KCNH7: variants seen among roughly 807,000 people sequenced by gnomAD.
KCNH7 encodes the protein potassium voltage-gated channel subfamily H member 7.
KCNH7 carries 49 observed loss-of-function variants against 120.8 expected under a neutral mutation model. The observed-to-expected ratio is 0.41, with a 90% CI of 0.32 to 0.51. The LOEUF (loss-of-function observed/expected upper bound fraction) is 0.51. Ranked by LOEUF, KCNH7 falls within the 20% of genes least tolerant of loss-of-function variation. The probability of loss-of-function intolerance (pLI) is 0.38; values close to 1 mark genes in which losing one functional copy is unlikely to be tolerated. For synonymous variants in KCNH7, 547 were observed against 516.1 expected (o/e 1.06, Z -0.81); for missense variants, 1,097 against 1,446.6 (o/e 0.76, Z 3.92).
chr2:162,444,319 T>A (rs1688514758), intron 7 of KCNH7, among the ~76,000 whole-genome samples: 1 of 152,142 alleles, frequency 6.6e-6, no homozygotes, highest in African/African-American at 2.4e-5. Flanking sequence ...TAACAAAAAA[T>A]TTTTGAATAA....
chr2:162,642,404 T>A (rs1227704200), intron 2 of KCNH7, among the ~76,000 whole-genome samples: 1 of 152,206 alleles, frequency 6.6e-6, no homozygotes, highest in Non-Finnish European at 1.5e-5. Context: ...AGTTAATTCT[T>A]GTCTCTGAAT....
At chr2:162,491,774 G>T (rs1690316881) in intron 6 of KCNH7, among the ~76,000 whole-genome samples, 1 of 152,184 alleles carries the variant, frequency 6.6e-6, no homozygotes, top group South Asian at 2.1e-4. Flanking sequence ...GCTAGGAAGA[G>T]AAAGGACCTA....
At chr2:162,542,407 C>T (rs1186360082) in intron 2 of KCNH7, among the ~76,000 whole-genome samples, 2 of 123,014 alleles carry the variant, frequency 1.6e-5, no homozygotes, top group African/African-American at 3.0e-5. Flanking sequence ...CCCCTCCCCC[C>T]ACCCCACAAC....
chr2:162,568,671 T>C (rs1693347774), intron 2 of KCNH7, among the ~76,000 whole-genome samples: 1 of 151,876 alleles, frequency 6.6e-6, no homozygotes, highest in African/African-American at 2.4e-5. Context: ...TTAAAGCTGT[T>C]GGAGTAGAAA....
chr2:162,551,168 G>A (rs1299337888), intron 2 of KCNH7, among the ~76,000 whole-genome samples: 1 of 152,126 alleles, frequency 6.6e-6, no homozygotes, highest in Non-Finnish European at 1.5e-5. Flanking sequence ...CAGAAGGCGA[G>A]TTCTTAATGA....
At chr2:162,590,623 A>G (rs1246610340) in intron 2 of KCNH7, among the ~76,000 whole-genome samples, 4 of 152,054 alleles carry the variant, frequency 2.6e-5, no homozygotes, top group African/African-American at 9.7e-5. Flanking sequence ...ATTGTTTATT[A>G]TTTTCCCAAA....
In KCNH7 at chr2:162,538,941, G is replaced by A. The variant is rs377497067; in HGVS notation, c.308-1861C>T. Among the ~76,000 whole-genome samples the A allele has an allele frequency of 7.7e-4, 117 of 152,160 alleles. 2 individuals are homozygous for A. In the South Asian group the frequency reaches 0.014, roughly 18 times the overall value. ...GACAGCTTCCCAAATTTGAAATGTG[G>A]ATAACTTTATTTATAACTAATTTCA... On this transcript the variant is annotated intron_variant, in intron 2 of 15. Transcript: ENST00000332142.
intron 3 of KCNH7, among the ~76,000 whole-genome samples, chr2:162,526,776 G>T (rs147708538): frequency 6.6e-6 from 1 of 151,960 alleles, no homozygotes; most frequent in South Asian, 2.1e-4. Flanking sequence ...TCATCACAGC[G>T]TCCTAAGCGG....
At position 162,557,588 on chromosome 2, in the gene KCNH7, C is replaced by G. The variant is rs538645460; in HGVS notation, c.308-20508G>C. Among the ~76,000 whole-genome samples, 348 of 152,260 alleles carry G rather than the reference C, an allele frequency of 2.3e-3. 1 individual carries two copies. The highest frequency in any genetic ancestry group is 4.4e-3 in the Non-Finnish European group (298 of 67,996). On this transcript the variant is annotated intron_variant, in intron 2 of 15. Coordinates refer to ENST00000332142, the MANE Select transcript of KCNH7 (RefSeq NM_033272.4). ...CTGCAGCTGATTAAAAAGCAACTTT[C>G]CCCTAGTCTTTGCAAAACATATTTG...
Position 162,394,420 on chromosome 2 carries a change from C to A in KCNH7, c.2679G>T (p.Arg893Ser). Residue 893 changes from arginine (R) to serine (S), a missense_variant, in exon 12 of 16, where the codon AGG becomes AGT. By Grantham distance (110) the Arg-to-Ser change is moderately radical (BLOSUM62 -1). Around this residue, in one of 8 missense-constraint regions of KCNH7, gnomAD observed 406 missense variants for 410.5 expected, o/e 0.99. Coordinates refer to ENST00000332142, the MANE Select transcript of KCNH7 (RefSeq NM_033272.4). ...CTCCTTCACTTTCAAATGACAATTT[C>A]CTTCTTCTTAGTTTACAGTTGTCTC... The part of the protein sequence containing the change: ...SEGDNCKLRR[R>S]KLSFESEGEK... The A allele has an allele frequency of 6.2e-7, 1 of 1,603,296 alleles. No homozygotes were observed. The highest frequency in any genetic ancestry group is 8.5e-7 in the Non-Finnish European group (1 of 1,171,052).
At chr2:162,589,965 T>C (rs373312690) in intron 2 of KCNH7, among the ~76,000 whole-genome samples, 1 of 152,100 alleles carries the variant, frequency 6.6e-6, no homozygotes, top group East Asian at 1.9e-4. Context: ...AATGAACTTA[T>C]GAAAATAAAA....
In KCNH7 at chr2:162,433,744, C is replaced by T. The variant is rs562206583; in HGVS notation, c.1954+1454G>A. On this transcript the variant is annotated intron_variant, in intron 8 of 15. Transcript: ENST00000332142. ...GTGAGGCTGTGGAGAAAATGGAATG[C>T]TTATATTGGGGAATATAAGCATTTA... Among the ~76,000 whole-genome samples the T allele has an allele frequency of 5.9e-5, 9 of 152,010 alleles. No individual in the cohort carries two copies. The South Asian group carries it at 1.7e-3, about 28-fold the overall frequency.
Position 162,446,153 on chromosome 2 carries a change from T to C in KCNH7, c.1419A>G (p.Thr473=), listed in dbSNP as rs775508775. Reference sequence around the variant, plus strand: ...CCACTTCTTCATTCTGATTTACATATGTTGTTCTGAAGTTTATTAAAATAT... The same window carrying C: ...CCACTTCTTCATTCTGATTTACATACGTTGTTCTGAAGTTTATTAAAATAT... ...IIDILINFRT[T]YVNQNEEVVS... Residue 473 remains threonine, a synonymous_variant, in exon 7 of 16, where the codon ACA becomes ACG. Transcript: ENST00000332142. 4 of 1,613,848 alleles carry C rather than the reference T, an allele frequency of 2.5e-6. No homozygotes were observed. The highest frequency in any genetic ancestry group is 3.4e-6 in the Non-Finnish European group (4 of 1,179,788).
chr2:162,452,806 G>A lies in KCNH7; in HGVS notation c.1129-6363C>T, dbSNP rs376006059. On this transcript the variant is annotated intron_variant, in intron 6 of 15. Coordinates refer to ENST00000332142, the MANE Select transcript of KCNH7 (RefSeq NM_033272.4). ...GAAGTATATTTTTGCATTTTTCTCA[G>A]AAAACTGCCACTAAATGTTTACATT... 6.6e-5 allele frequency among the ~76,000 whole-genome samples: 10 copies of A among 152,074 alleles called. No homozygotes were observed. In the East Asian group the frequency reaches 1.5e-3, roughly 23 times the overall value.
At chr2:162,761,756 G>A (rs1381135437) in intron 2 of KCNH7, among the ~76,000 whole-genome samples, 1 of 152,176 alleles carries the variant, frequency 6.6e-6, no homozygotes, top group East Asian at 1.9e-4. Flanking sequence ...CTGCCTGAGT[G>A]TGAGGTGCAT....
chr2:162,632,587 A>G (rs1683813477), intron 2 of KCNH7, among the ~76,000 whole-genome samples: 1 of 151,926 alleles, frequency 6.6e-6, no homozygotes, highest in Admixed American at 6.6e-5. Context: ...GTGTCTAAAA[A>G]GAGATCAAAA....
chr2:162,773,220 G>C (rs1683121180), intron 2 of KCNH7, among the ~76,000 whole-genome samples: 2 of 152,198 alleles, frequency 1.3e-5, no homozygotes. Flanking sequence ...GGGCATAGTA[G>C]TTCATGCCTG....
rs186200723 is a variant in KCNH7 at position 162,568,437 on chromosome 2, T to C, written c.308-31357A>G. Reference sequence around the variant, plus strand: ...TAAGTATACTCTGCAATATTTGCATTTGGATGAAATCACCTAATGACACAT... The same window carrying C: ...TAAGTATACTCTGCAATATTTGCATCTGGATGAAATCACCTAATGACACAT... On this transcript the variant is annotated intron_variant, in intron 2 of 15. Coordinates refer to ENST00000332142, the MANE Select transcript of KCNH7 (RefSeq NM_033272.4). Among the ~76,000 whole-genome samples, 630 of 152,196 alleles carry C rather than the reference T, an allele frequency of 4.1e-3. 5 individuals carry two copies. Among genetic ancestry groups the C allele is most frequent in the African/African-American group, 0.014 (599 of 41,550 alleles).
chr2:162,441,615 G>A (rs1364561515), intron 7 of KCNH7, among the ~76,000 whole-genome samples: 1 of 152,162 alleles, frequency 6.6e-6, no homozygotes, highest in Non-Finnish European at 1.5e-5. Flanking sequence ...GAGTTTCGTA[G>A]ATTTCAGCTG....
Sources: gnomAD v4.1 joint callset for allele counts (sites outside exome capture counted in the v4.1 genomes callset) on GRCh38, gnomAD v4.1.1 for gene constraint, gnomAD v4.1.1 regional missense constraint, MANE v1.5 for transcripts, NCBI Gene and HGNC (gene_info 2026-07-23, HGNC 2026-07-21) for gene names.